The following FAM163A variants were observed in gnomAD, a reference collection of about 807,000 sequenced individuals.
FAM163A encodes the protein protein FAM163A.
In FAM163A, 7 loss-of-function variants were observed where a neutral mutation model predicts 12.0. The ratio of observed to expected loss-of-function variants is 0.58; its 90% CI spans 0.33 to 1.10. The LOEUF is 1.10. Among genes scored for constraint, FAM163A ranks in the 50% least tolerant of loss-of-function variants. The pLI, the probability that FAM163A is intolerant of heterozygous loss-of-function variation, is 0.03. For synonymous variants in FAM163A, 101 were observed against 91.0 expected (o/e 1.11, Z -0.62); for missense variants, 202 against 218.6 (o/e 0.92, Z 0.48).
At chr1:179,730,667 A>G in the FAM163A span, among the ~76,000 whole-genome samples, 1 of 152,236 alleles carries the variant, frequency 6.6e-6, no homozygotes, top group Non-Finnish European at 1.5e-5. Flanking sequence ...CAGAATCTAT[A>G]TATTTTTTGT....
chr1:179,767,245 A>G (rs988489913), intron 1 of FAM163A, among the ~76,000 whole-genome samples: 2 of 152,122 alleles, frequency 1.3e-5, no homozygotes, highest in African/African-American at 2.4e-5. Context: ...GGGGCTGGAC[A>G]TGTTCGAGTC....
chr1:179,759,664 C>T (rs555608718), intron 1 of FAM163A, among the ~76,000 whole-genome samples: 2 of 151,640 alleles, frequency 1.3e-5, no homozygotes, highest in East Asian at 1.9e-4. Flanking sequence ...TAGGCAGGAA[C>T]TAGATCCCCT....
the FAM163A span, among the ~76,000 whole-genome samples, chr1:179,736,048 G>A: frequency 6.6e-6 from 1 of 152,160 alleles, no homozygotes; most frequent in Non-Finnish European, 1.5e-5. Flanking sequence ...ATTAAAGGCT[G>A]AAGTGTAAGA....
intron 1 of FAM163A, among the ~76,000 whole-genome samples, chr1:179,794,841 C>A (rs1341068172): frequency 1.3e-5 from 2 of 152,020 alleles, no homozygotes; most frequent in Non-Finnish European, 2.9e-5. Context: ...TTTATGCAAT[C>A]GTGTAACAGT....
intron 1 of FAM163A, among the ~76,000 whole-genome samples, chr1:179,759,105 T>C (rs144442236): frequency 0.01 from 1,553 of 152,302 alleles, 26 homozygotes; most frequent in African/African-American, 0.036. Flanking sequence ...GGTTTCTCAA[T>C]CTTGTCACCG....
the FAM163A span, among the ~76,000 whole-genome samples, chr1:179,727,922 C>T: frequency 6.6e-6 from 1 of 151,224 alleles, no homozygotes. Context: ...AATAGATTTG[C>T]CAACATAAGA....
chr1:179,773,982 A>C (rs1180732778), intron 1 of FAM163A, among the ~76,000 whole-genome samples: 1 of 152,230 alleles, frequency 6.6e-6, no homozygotes, highest in East Asian at 1.9e-4. Context: ...AGGTTGCTGT[A>C]GTGACTGCAG....
At chr1:179,733,099 T>C in the FAM163A span, among the ~76,000 whole-genome samples, 1 of 152,128 alleles carries the variant, frequency 6.6e-6, no homozygotes, top group East Asian at 1.9e-4. Flanking sequence ...AGGACAACTC[T>C]CAATATTTTT....
intron 1 of FAM163A, among the ~76,000 whole-genome samples, chr1:179,789,404 ACTCCTGACCTCAGGTGAT>A (rs1691118028): frequency 6.6e-6 from 1 of 151,736 alleles, no homozygotes; most frequent in African/African-American, 2.4e-5. Flanking sequence ...TTGGTCTTGA[ACTCCTGACCTCAGGTGAT>A]CTGCCCACCT....
At chr1:179,758,190 G>A (rs2148027717) in intron 1 of FAM163A, among the ~76,000 whole-genome samples, 1 of 152,296 alleles carries the variant, frequency 6.6e-6, no homozygotes, top group South Asian at 2.1e-4. Context: ...CTCACACAGA[G>A]GAGGCGGTAA....
rs1690162153 is a variant in FAM163A, at chr1:179,783,753, ATAT to A, written c.-135-24044_-135-24042del. ...ATATAATTGAGCCCAAATATTATATATATATTATATAATTTATTATATATATAT... is the reference window on the plus strand; with the variant it reads ...ATATAATTGAGCCCAAATATTATATAATTATATAATTTATTATATATATAT... On this transcript the variant is annotated intron_variant, in intron 1 of 4. Coordinates refer to ENST00000341785, the MANE Select transcript of FAM163A (RefSeq NM_173509.3). Among the ~76,000 whole-genome samples, 3 of 145,014 alleles carry A rather than the reference ATAT, an allele frequency of 2.1e-5. No individual in the cohort carries two copies. The Admixed American group carries it at 2.1e-4, about 10-fold the overall frequency.
chr1:179,806,638 G>T (rs1215614071), intron 1 of FAM163A, among the ~76,000 whole-genome samples: 6 of 152,202 alleles, frequency 3.9e-5, no homozygotes. Context: ...TGGCTCTGTG[G>T]ATGTGGTTAA....
At chr1:179,784,681 G>A (rs1202626741) in intron 1 of FAM163A, among the ~76,000 whole-genome samples, 1 of 152,184 alleles carries the variant, frequency 6.6e-6, no homozygotes, top group Non-Finnish European at 1.5e-5. Context: ...AGGAAAAATA[G>A]ACTAACATTT....
chr1:179,786,250 T>C (rs1487853983), intron 1 of FAM163A, among the ~76,000 whole-genome samples: 2 of 152,304 alleles, frequency 1.3e-5, no homozygotes, highest in Non-Finnish European at 2.9e-5. Flanking sequence ...GGATGCTCCT[T>C]CCCACCAGCC....
At position 179,767,070 on chromosome 1, in the gene FAM163A, G is replaced by A. The variant is rs531786001; in HGVS notation, c.-136+23647G>A. Among the ~76,000 whole-genome samples, 10 of 151,910 alleles carry A rather than the reference G, an allele frequency of 6.6e-5. No homozygotes were observed. The South Asian group carries it at 1.5e-3, about 22-fold the overall frequency. On this transcript the variant is annotated intron_variant, in intron 1 of 4. Transcript: ENST00000341785. The stretch of plus-strand genomic sequence containing the variant: ...CGCCCCCGGCCTTTACTCCTTTTTC[G>A]AAGCTACAAACAGGAGTCCTCCCTG...
intron 1 of FAM163A, among the ~76,000 whole-genome samples, chr1:179,761,489 G>C (rs756003967): frequency 1.3e-5 from 2 of 152,194 alleles, no homozygotes; most frequent in Non-Finnish European, 2.9e-5. Context: ...CAGGAGCCAG[G>C]AAAGCATAAA....
intron 1 of FAM163A, among the ~76,000 whole-genome samples, chr1:179,768,968 TTG>T (rs1393829356): frequency 6.6e-6 from 1 of 151,716 alleles, no homozygotes; most frequent in East Asian, 1.9e-4. Context: ...ATTAATGGTA[TTG>T]TGTTATATGC....
At chr1:179,773,807 T>C (rs995497756) in intron 1 of FAM163A, among the ~76,000 whole-genome samples, 3 of 152,190 alleles carry the variant, frequency 2.0e-5, no homozygotes, top group African/African-American at 7.2e-5. Context: ...TCTTCACCCA[T>C]ATGGCCCTGA....
chr1:179,798,528 TCA>T lies in FAM163A; in HGVS notation c.-135-9267_-135-9266del, dbSNP rs1216405551. ...ACCTTATCACCTGCCCCTGGGCTTT[TCA>T]CAGTCCTCCTCGGGGCACTTTTGCC... is the stretch of plus-strand genomic sequence containing the variant. On this transcript the variant is annotated intron_variant, in intron 1 of 4. Coordinates refer to ENST00000341785, the MANE Select transcript of FAM163A (RefSeq NM_173509.3). 3.3e-5 allele frequency among the ~76,000 whole-genome samples: 5 copies of T among 152,386 alleles called. No homozygotes were observed. The East Asian group carries it at 9.6e-4, about 29-fold the overall frequency.
Sources: gnomAD v4.1 joint callset for allele counts (sites outside exome capture counted in the v4.1 genomes callset) on GRCh38, gnomAD v4.1.1 for gene constraint, MANE v1.5 for transcripts, NCBI Gene and HGNC (gene_info 2026-07-23, HGNC 2026-07-21) for gene names.